The following MRPS27 variants were observed in gnomAD, a reference collection of about 807,000 sequenced individuals.
The protein encoded by MRPS27 is mitochondrial ribosomal protein S27, also known as small ribosomal subunit protein mS27.
Under a neutral mutation model 48.9 loss-of-function variants are expected in MRPS27, and 43 were observed. That is an observed-to-expected ratio of 0.88 (90% CI 0.69 to 1.13). MRPS27 has a LOEUF of 1.13. Among genes scored for constraint, MRPS27 ranks in the 50% most tolerant of loss-of-function variants. The pLI, the probability that MRPS27 is intolerant of heterozygous loss-of-function variation, is 0.00. For synonymous variants in MRPS27, 188 were observed against 171.9 expected (o/e 1.09, Z -0.73); for missense variants, 467 against 476.3 (o/e 0.98, Z 0.18).
intron 4 of MRPS27, among the ~76,000 whole-genome samples, chr5:72,242,930 A>AT (rs1748400491): frequency 6.6e-6 from 1 of 152,210 alleles, no homozygotes; most frequent in South Asian, 2.1e-4. Context: ...CAGCTCCACC[A>AT]TTTAGCTGTA....
intron 4 of MRPS27, among the ~76,000 whole-genome samples, chr5:72,258,659 A>G (rs1315044421): frequency 6.6e-6 from 1 of 152,122 alleles, no homozygotes; most frequent in Non-Finnish European, 1.5e-5. Context: ...TCCCCTCAAT[A>G]GAACATGGCA....
At chr5:72,263,335 A>G (rs975914756) in intron 4 of MRPS27, among the ~76,000 whole-genome samples, 1 of 152,194 alleles carries the variant, frequency 6.6e-6, no homozygotes, top group African/African-American at 2.4e-5. Context: ...AGAAGAAAAC[A>G]TGGGGTAAAT....
intron 10 of MRPS27, chr5:72,222,487 ATGAGGGCTGAGAACTT>A (rs1315686823): frequency 9.2e-5 from 14 of 152,242 alleles, no homozygotes; most frequent in African/African-American, 3.1e-4. Context: ...TTGTAGAGGA[ATGAGGGCTGAGAACTT>A]AATGCAGGCA....
chr5:72,236,249 C>G (rs1748196480), intron 5 of MRPS27, among the ~76,000 whole-genome samples: 2 of 152,106 alleles, frequency 1.3e-5, no homozygotes, highest in South Asian at 4.1e-4. Context: ...AGGCAAACAT[C>G]TACAATTTTT....
At position 72,232,498 on chromosome 5, in the gene MRPS27, T is replaced by C. The variant is rs1189254144; in HGVS notation, c.536A>G (p.Gln179Arg). The stretch of plus-strand genomic sequence containing the variant: ...AAATAAAACATAGAGGGAGAGAAGT[T>C]GGGTGGAAGGCACTTCAAAGGCTTC... ...MQEAFEVPST[Q>R]LLSLYVLFHC... Residue 179 changes from glutamine (Q) to arginine (R), a missense_variant, in exon 7 of 11, where the codon CAA becomes CGA. By Grantham distance (43) the Gln-to-Arg change is conservative (BLOSUM62 1). Transcript: ENST00000261413. 1 of 1,612,666 alleles carries C rather than the reference T, an allele frequency of 6.2e-7. No individual in the cohort carries two copies. Among genetic ancestry groups the C allele is most frequent in the Non-Finnish European group, 8.5e-7 (1 of 1,179,182 alleles).
At chr5:72,243,913 C>T (rs908314326) in intron 4 of MRPS27, among the ~76,000 whole-genome samples, 1 of 152,112 alleles carries the variant, frequency 6.6e-6, no homozygotes, top group Admixed American at 6.5e-5. Context: ...AAGATAAGCC[C>T]CCTTTGTAGT....
intron 4 of MRPS27, among the ~76,000 whole-genome samples, chr5:72,294,368 A>G (rs985813849): frequency 6.6e-6 from 1 of 152,202 alleles, no homozygotes; most frequent in Non-Finnish European, 1.5e-5. Context: ...AAACAACTAA[A>G]AATTCTCTTG....
chr5:72,269,386 C>T (rs1297894328), intron 4 of MRPS27, among the ~76,000 whole-genome samples: 8 of 152,182 alleles, frequency 5.3e-5, no homozygotes, highest in African/African-American at 1.7e-4. Context: ...TATATTCAAA[C>T]AGGTATCTGA....
chr5:72,239,210 G>A (rs1748288588), intron 4 of MRPS27, among the ~76,000 whole-genome samples: 1 of 152,140 alleles, frequency 6.6e-6, no homozygotes, highest in South Asian at 2.1e-4. Flanking sequence ...AATACTAGTG[G>A]CTTTTAGAGG....
At chr5:72,297,536 C>G (rs2112065350) in intron 3 of MRPS27, 96 bp downstream of exon 3, 1 of 697,770 alleles carries the variant, frequency 1.4e-6, no homozygotes. Flanking sequence ...ATTTCCTATG[C>G]AAACTATTTT....
At chr5:72,308,366 A>G (rs117928675) in intron 2 of MRPS27, among the ~76,000 whole-genome samples, 1 of 152,172 alleles carries the variant, frequency 6.6e-6, no homozygotes, top group African/African-American at 2.4e-5. Flanking sequence ...TGCTGCCTCG[A>G]TCTCCAATGG....
At chr5:72,258,718 A>G (rs1408235154) in intron 4 of MRPS27, among the ~76,000 whole-genome samples, 2 of 152,118 alleles carry the variant, frequency 1.3e-5, no homozygotes, top group Non-Finnish European at 2.9e-5. Context: ...CAGATAGCAA[A>G]CCTGTGTGTA....
intron 9 of MRPS27, among the ~76,000 whole-genome samples, chr5:72,225,446 C>T (rs1457890672): frequency 1.3e-5 from 2 of 152,168 alleles, no homozygotes; most frequent in African/African-American, 2.4e-5. Context: ...GGGTGTAAGG[C>T]GCATCATGTC....
intron 10 of MRPS27, among the ~76,000 whole-genome samples, chr5:72,223,330 A>C (rs1237777153): frequency 6.6e-6 from 1 of 152,240 alleles, no homozygotes; most frequent in Non-Finnish European, 1.5e-5. Flanking sequence ...CATTTAGTGC[A>C]AGATGGAGAA....
Position 72,242,665 on chromosome 5 carries a change from T to TACACACAC in MRPS27, c.282-4545_282-4538dup, listed in dbSNP as rs57589095. Among the ~76,000 whole-genome samples the TACACACAC allele has an allele frequency of 9.4e-3, 1,260 of 134,256 alleles. 28 individuals carry two copies. Among genetic ancestry groups the TACACACAC allele is most frequent in the African/African-American group, 0.029 (988 of 33,608 alleles). 88.1% of individuals were successfully genotyped at this position (134,256 alleles called of 152,430 possible). On this transcript the variant is annotated intron_variant, in intron 4 of 10. Transcript: ENST00000261413. ...CTAGGCAACACAGCGAGACCCCGTCTACACACACACACACACACACACACA... is the reference window on the plus strand; with the variant it reads ...CTAGGCAACACAGCGAGACCCCGTCTACACACACACACACACACACACACACACACACA...
At chr5:72,247,098 A>G (rs1454520566) in intron 4 of MRPS27, among the ~76,000 whole-genome samples, 1 of 152,208 alleles carries the variant, frequency 6.6e-6, no homozygotes, top group African/African-American at 2.4e-5. Context: ...GGTTATCTGG[A>G]TCACAAACTC....
intron 5 of MRPS27, among the ~76,000 whole-genome samples, chr5:72,234,517 C>T (rs1291251048): frequency 1.3e-5 from 2 of 151,842 alleles, no homozygotes; most frequent in East Asian, 1.9e-4. Context: ...CCCACACAAC[C>T]CCCCTAACTG....
At chr5:72,230,940 C>G (rs1178941461) in intron 7 of MRPS27, among the ~76,000 whole-genome samples, 1 of 152,042 alleles carries the variant, frequency 6.6e-6, no homozygotes, top group Non-Finnish European at 1.5e-5. Flanking sequence ...ATATCCTGGT[C>G]TCTATGCTAC....
At chr5:72,222,458 A>G (rs1747773630) in intron 10 of MRPS27, 1 of 152,334 alleles carries the variant, frequency 6.6e-6, no homozygotes, top group Admixed American at 6.5e-5. Flanking sequence ...GCCTTTTTAA[A>G]ATTTTCATAA....
Sources: allele counts gnomAD v4.1 joint callset (sites outside exome capture counted in the v4.1 genomes callset), GRCh38; gene constraint gnomAD v4.1.1; transcripts MANE v1.5; gene names NCBI Gene and HGNC (gene_info 2026-07-23, HGNC 2026-07-21).